Variants in SSBP4 observed in about 807,000 individuals in gnomAD.
SSBP4 encodes the protein single stranded DNA binding protein 4, also known as single-stranded DNA-binding protein 4.
In SSBP4, 33 loss-of-function variants were observed where a neutral mutation model predicts 64.6. That is an observed-to-expected ratio of 0.51 (90% CI 0.39 to 0.68). SSBP4 has a LOEUF of 0.68. Ranked by LOEUF, SSBP4 falls within the 30% of genes least tolerant of loss-of-function variation. SSBP4 has a pLI of 0.00. For synonymous variants in SSBP4, 243 were observed against 224.0 expected (o/e 1.08, Z -0.76); for missense variants, 583 against 566.8 (o/e 1.03, Z -0.29).
At position 18,428,467 on chromosome 19, in the gene SSBP4, C is replaced by T. The variant is rs377417649; in HGVS notation, c.279+485C>T. ...GTATCTGGAGCTGCCCACTCCCTCT[C>T]TGCTGTCATTTTCCCTCTGGGTTGG... On this transcript the variant is annotated intron_variant, in intron 4 of 17. Coordinates refer to ENST00000270061, the MANE Select transcript of SSBP4 (RefSeq NM_032627.5). 2.2e-4 allele frequency among the ~76,000 whole-genome samples: 33 copies of T among 152,352 alleles called. 1 individual carries two copies. The East Asian group carries it at 3.5e-3, about 16-fold the overall frequency.
At chr19:18,415,417 C>T (rs569268394), upstream of SSBP4, among the ~76,000 whole-genome samples, 20 of 152,082 alleles carry the variant, frequency 1.3e-4, no homozygotes, top group Admixed American at 1.3e-4. Flanking sequence ...TACTCGTGGG[C>T]CCCCCCACTG....
chr19:18,422,719 G>A (rs1400496510), intron 1 of SSBP4, among the ~76,000 whole-genome samples: 4 of 152,246 alleles, frequency 2.6e-5, no homozygotes, highest in Non-Finnish European at 4.4e-5. Flanking sequence ...CACCTGCCGG[G>A]GCAGCCACGC....
At chr19:18,424,869 G>A (rs528676533) in intron 1 of SSBP4, among the ~76,000 whole-genome samples, 5 of 152,000 alleles carry the variant, frequency 3.3e-5, no homozygotes, top group South Asian at 2.1e-4. Flanking sequence ...AGCAGGGAGG[G>A]GGAGAATGGG....
chr19:18,414,943 TG>T (rs1972119789), upstream of SSBP4, among the ~76,000 whole-genome samples: 1 of 152,144 alleles, frequency 6.6e-6, no homozygotes, highest in Non-Finnish European at 1.5e-5. Context: ...CAACTAGTCT[TG>T]GGGTATAATC....
At position 18,432,593 on chromosome 19, in the gene SSBP4, A is replaced by C. The variant is rs761418039; in HGVS notation, c.739A>C (p.Ser247Arg). The C allele has an allele frequency of 5.4e-6, 7 of 1,308,358 alleles. No individual in the cohort carries two copies. The highest frequency in any genetic ancestry group is 3.6e-5 in the South Asian group (3 of 82,880). 81.0% of individuals were successfully genotyped at this position (1,308,358 alleles called of 1,614,324 possible). A position where few individuals can be genotyped will look rare whatever the true frequency, so the allele number is the denominator to read the frequency against. Residue 247 changes from serine (S) to arginine (R), a missense_variant, in exon 11 of 18, where the codon AGT (serine) becomes CGT (arginine). This residue lies in a region of SSBP4 where 444 missense variants were observed against 386.6 expected (regional missense o/e 1.15). Transcript: ENST00000270061. ...PGVRGPWASP[S>R]GNSIPYSSSS... ...AGTTCGTGGCCCGTGGGCCAGCCCC[A>C]GTGGAAACTCGGTGAGCCTATGGCT... is the stretch of plus-strand genomic sequence containing the variant.
Position 18,426,741 on chromosome 19 carries a change from A to G in SSBP4, c.60-610A>G, listed in dbSNP as rs943410501. On this transcript the variant is annotated intron_variant, in intron 1 of 17. Coordinates refer to ENST00000270061, the MANE Select transcript of SSBP4 (RefSeq NM_032627.5). The surrounding 1 kb of genome is among the most constrained non-coding windows in gnomAD (Gnocchi z 4.5). ...TTTGGGTAGGGCAGCACCACTGCAGACATGGCACTGCAGGCCCTACCTCCC... is the reference window on the plus strand; with the variant it reads ...TTTGGGTAGGGCAGCACCACTGCAGGCATGGCACTGCAGGCCCTACCTCCC... 6.6e-6 allele frequency among the ~76,000 whole-genome samples: 1 copy of G among 152,106 alleles called. No homozygotes were observed. The highest frequency in any genetic ancestry group is 1.5e-5 in the Non-Finnish European group (1 of 67,998).
chr19:18,419,632 C>T lies in SSBP4; in HGVS notation c.-17C>T. 2.4e-6 allele frequency: 3 copies of T among 1,264,574 alleles called. No homozygotes were observed. The highest frequency in any genetic ancestry group is 4.1e-5 in the Admixed American group (1 of 24,430). The allele number at this position is 1,264,574 out of a possible 1,614,324, so 78.3% of individuals were successfully genotyped here. A position where few individuals can be genotyped will look rare whatever the true frequency, so the allele number is the denominator to read the frequency against. On this transcript the variant is annotated 5_prime_UTR_variant, in exon 1 of 18. Transcript: ENST00000270061. ...GCCTGACAGGTGTGGGCCCCGGCGG[C>T]GGCGGCGTGGAGCAGCATGTACGCC...
At chr19:18,428,056 T>TGGGGGGCTTGGGGGGGGGTTGGGGGGGG in intron 4 of SSBP4, 74 bp downstream of exon 4, 1 of 444,254 alleles carries the variant, frequency 2.3e-6, no homozygotes. Flanking sequence ...GGAGGTGGGG[T>TGGGGGGCTTGGGGGGGGGTTGGGGGGGG]GGGGGGCTGC....
chr19:18,431,889 C>T (rs1358450401), intron 8 of SSBP4, 27 bp downstream of exon 8: 1 of 1,567,194 alleles, frequency 6.4e-7, no homozygotes. Context: ...CAGCCCCTAT[C>T]CCGCCATCAA....
In SSBP4 at chr19:18,431,375, C is replaced by T; in HGVS notation, c.392C>T (p.Ser131Phe). Residue 131 changes from serine (S) to phenylalanine (F), a missense_variant, in exon 6 of 18, where the codon TCC becomes TTC. Ser to Phe is a radical substitution (Grantham distance 155, BLOSUM62 -2). Coordinates refer to ENST00000270061, the MANE Select transcript of SSBP4 (RefSeq NM_032627.5). ...FFQGPPGSQP[S>F]PHNPNAPMMG... ...TAGGGCCCCCCCGGCTCCCAGCCGTCCCCCCACAACCCCAACGCCCCCATG... is the reference window on the plus strand; with the variant it reads ...TAGGGCCCCCCCGGCTCCCAGCCGTTCCCCCACAACCCCAACGCCCCCATG... The T allele has an allele frequency of 2.3e-6, 3 of 1,320,990 alleles. No individual in the cohort carries two copies. The highest frequency in any genetic ancestry group is 3.1e-6 in the Non-Finnish European group (3 of 966,370). The allele number at this position is 1,320,990 out of a possible 1,614,324, so 81.8% of individuals were successfully genotyped here.
chr19:18,432,322 G>A lies in SSBP4; in HGVS notation c.704+108G>A, dbSNP rs896647546. 7.6e-6 allele frequency: 11 copies of A among 1,438,352 alleles called. No homozygotes were observed. The African/African-American group carries it at 1.1e-4, about 15-fold the overall frequency. The allele number at this position is 1,438,352 out of a possible 1,614,324, so 89.1% of individuals were successfully genotyped here. On this transcript the variant is annotated intron_variant, in intron 10 of 17. Coordinates refer to ENST00000270061, the MANE Select transcript of SSBP4 (RefSeq NM_032627.5). ...AATCCTCAGGACAGCCTTGGATATT[G>A]TTTATTTCATGGCCACCGTTGAGGG...
chr19:18,415,570 TGGA>T (rs879801522), upstream of SSBP4, among the ~76,000 whole-genome samples: 55 of 151,596 alleles, frequency 3.6e-4, no homozygotes, highest in African/African-American at 1.2e-3. Context: ...AGGGAAGGCT[TGGA>T]GGAGGAGGAG....
chr19:18,424,144 C>G (rs540988996), intron 1 of SSBP4, among the ~76,000 whole-genome samples: 1 of 152,212 alleles, frequency 6.6e-6, no homozygotes. Context: ...TCAGCAAAAC[C>G]GAAAACTTCC....
the SSBP4 span, among the ~76,000 whole-genome samples, chr19:18,406,786 G>A: frequency 6.6e-6 from 1 of 152,304 alleles, no homozygotes; most frequent in Admixed American, 6.5e-5. Flanking sequence ...GTCTGGAGGG[G>A]TCTGAGGGGC....
At chr19:18,412,812 C>T in the SSBP4 span, among the ~76,000 whole-genome samples, 1 of 152,160 alleles carries the variant, frequency 6.6e-6, no homozygotes, top group Non-Finnish European at 1.5e-5. Flanking sequence ...GCTGCCAAGG[C>T]AGCTGGTTGA....
chr19:18,429,311 G>C (rs995222374), intron 4 of SSBP4, among the ~76,000 whole-genome samples: 3 of 152,068 alleles, frequency 2.0e-5, no homozygotes, highest in Admixed American at 6.5e-5. Flanking sequence ...GGAAACGCCG[G>C]AGCGCCCAGC....
rs200416917 is a variant in SSBP4 at position 18,427,829 on chromosome 19, C to T, written c.194+16C>T. On this transcript the variant is annotated intron_variant, in intron 3 of 17. Coordinates refer to ENST00000270061, the MANE Select transcript of SSBP4 (RefSeq NM_032627.5). The surrounding 1 kb of genome is among the most constrained non-coding windows in gnomAD (Gnocchi z 4.4). ...CCTGGTGGTGGTACGGGCTGGGCTG[C>T]TGTGGGTGGGCTGTGGAAGGGGGTT... The T allele has an allele frequency of 1.6e-5, 25 of 1,612,796 alleles. No individual in the cohort carries two copies. In the African/African-American group the frequency reaches 2.8e-4, roughly 18 times the overall value.
Position 18,432,868 on chromosome 19 carries a change from A to G in SSBP4, c.826A>G (p.Met276Val), listed in dbSNP as rs1261334209. ...GGGGPPGTPI[M>V]PSPGDSTNSS... ...AGGTGGGCCCCCTGGAACACCCATCATGCCTAGCCCTGGAGGTATGGCCTA... is the reference window on the plus strand; with the variant it reads ...AGGTGGGCCCCCTGGAACACCCATCGTGCCTAGCCCTGGAGGTATGGCCTA... The change falls in exon 13 of 18, where the codon ATG (methionine) becomes GTG (valine). Residue 276 changes from methionine to valine, a missense_variant. Transcript: ENST00000270061. The G allele has an allele frequency of 2.5e-6, 4 of 1,614,004 alleles. No homozygotes were observed. The South Asian group carries it at 4.4e-5, about 18-fold the overall frequency.
chr19:18,433,723 C>T lies in SSBP4; in HGVS notation c.1034C>T (p.Ala345Val). 7.0e-7 allele frequency: 1 copy of T among 1,425,968 alleles called. No homozygotes were observed. Among genetic ancestry groups the T allele is most frequent in the Non-Finnish European group, 9.1e-7 (1 of 1,101,370 alleles). The allele number at this position is 1,425,968 out of a possible 1,614,324, so 88.3% of individuals were successfully genotyped here. The change falls in exon 17 of 18, where the codon GCC (alanine) becomes GTC (valine). Residue 345 changes from alanine (A) to valine (V), a missense_variant. Physicochemically the swap from Ala to Val is moderately conservative, Grantham distance 64. This residue lies in a region of SSBP4 where 31 missense variants were observed against 58.5 expected (regional missense o/e 0.53). Transcript: ENST00000270061. ...GGCCGCCCCCAGAGTTCCCCCGGCG[C>T]CGTGGCCGGCCTGAGCAACGCCCCG... The part of the protein sequence containing the change: ...MDGLPKSSPG[A>V]VAGLSNAPGT...
Sources: allele counts gnomAD v4.1 joint callset (sites outside exome capture counted in the v4.1 genomes callset), GRCh38; gene constraint gnomAD v4.1.1; regional missense constraint gnomAD v4.1.1; non-coding constraint Gnocchi (gnomAD v3.1); transcripts MANE v1.5; gene names NCBI Gene and HGNC (gene_info 2026-07-23, HGNC 2026-07-21).